Variants in ALDH2 observed in about 807,000 individuals in gnomAD.
ALDH2 encodes aldehyde dehydrogenase 2 family member.
A neutral mutation model predicts 59.6 loss-of-function variants in ALDH2; 44 were observed. The observed-to-expected ratio is 0.74, with a 90% CI of 0.58 to 0.95. The LOEUF (loss-of-function observed/expected upper bound fraction) is 0.95. ALDH2 is among the 40% of genes least tolerant of loss of function. The probability of loss-of-function intolerance (pLI) is 0.00; values close to 1 mark genes in which losing one functional copy is unlikely to be tolerated. For synonymous variants in ALDH2, 291 were observed against 284.0 expected (o/e 1.02, Z -0.25); for missense variants, 570 against 696.3 (o/e 0.82, Z 2.04).
intron 9 of ALDH2, among the ~76,000 whole-genome samples, chr12:111,793,121 G>A (rs1361891433): frequency 6.6e-6 from 1 of 152,220 alleles, no homozygotes. Context: ...AAGATACACA[G>A]CTCTGTGAAC....
chr12:111,800,607 A>T (rs1296328072), intron 11 of ALDH2, among the ~76,000 whole-genome samples: 1 of 151,956 alleles, frequency 6.6e-6, no homozygotes, highest in African/African-American at 2.4e-5. Context: ...AAACATTTTT[A>T]TTTTTTGTAG....
At position 111,813,793 on chromosome 12, in the gene ALDH2, G is replaced by A. The variant is rs994759346; in HGVS notation, c.*4218G>A. ...TATATAGAGAGAAGGTCGATTGCTG[G>A]GGGCCCTGGGAAGGGACCAAGGGGG... On this transcript the variant is annotated 3_prime_UTR_variant, in exon 13 of 13. Coordinates refer to ENST00000261733, the MANE Select transcript of ALDH2 (RefSeq NM_000690.4). 1.3e-5 allele frequency: 2 copies of A among 152,210 alleles called. No individual in the cohort carries two copies. Among genetic ancestry groups the A allele is most frequent in the Admixed American group, 1.3e-4 (2 of 15,268 alleles). 9.4% of individuals were successfully genotyped at this position (152,210 alleles called of 1,614,324 possible). A position where few individuals can be genotyped will look rare whatever the true frequency, so the allele number is the denominator to read the frequency against.
intron 1 of ALDH2, among the ~76,000 whole-genome samples, chr12:111,781,462 C>T (rs2068270818): frequency 6.6e-6 from 1 of 152,188 alleles, no homozygotes; most frequent in South Asian, 2.1e-4. Flanking sequence ...CATGTGGTGC[C>T]AGACGAGTAA....
intron 9 of ALDH2, among the ~76,000 whole-genome samples, chr12:111,796,505 T>C (rs2068405201): frequency 1.3e-5 from 2 of 152,040 alleles, no homozygotes. Flanking sequence ...CTGACTCTTT[T>C]TAAAAAAAGG....
chr12:111,791,023 T>G (rs2068354370), intron 6 of ALDH2, among the ~76,000 whole-genome samples: 1 of 152,146 alleles, frequency 6.6e-6, no homozygotes, highest in South Asian at 2.1e-4. Context: ...CACTCCAGCC[T>G]GGGTGCCAGA....
At chr12:111,806,619 C>T (rs935268326) in intron 12 of ALDH2, among the ~76,000 whole-genome samples, 1 of 152,188 alleles carries the variant, frequency 6.6e-6, no homozygotes, top group Non-Finnish European at 1.5e-5. Context: ...CTGGAATCAA[C>T]TAAACGTGTT....
At chr12:111,805,480 A>G (rs1199604560) in intron 12 of ALDH2, among the ~76,000 whole-genome samples, 1 of 152,118 alleles carries the variant, frequency 6.6e-6, no homozygotes. Context: ...GCACATCACC[A>G]TTCCTGACTA....
At chr12:111,794,532 G>A (rs1296756005) in intron 9 of ALDH2, among the ~76,000 whole-genome samples, 2 of 151,926 alleles carry the variant, frequency 1.3e-5, no homozygotes, top group African/African-American at 4.8e-5. Flanking sequence ...TTAGAGACAG[G>A]GTCTTGTTCT....
At chr12:111,786,569 G>T (rs1407057585) in intron 4 of ALDH2, among the ~76,000 whole-genome samples, 1 of 150,544 alleles carries the variant, frequency 6.6e-6, no homozygotes, top group African/African-American at 2.5e-5. Context: ...TTTTTTTGAG[G>T]CAGGGTCTCA....
chr12:111,808,970 C>T (rs949620593), intron 12 of ALDH2, among the ~76,000 whole-genome samples: 8 of 152,178 alleles, frequency 5.3e-5, no homozygotes, highest in East Asian at 1.9e-4. Flanking sequence ...TGAGTGGTGA[C>T]GCCAGTCCTG....
At chr12:111,797,306 T>C (rs1490556002) in intron 9 of ALDH2, among the ~76,000 whole-genome samples, 3 of 152,348 alleles carry the variant, frequency 2.0e-5, no homozygotes, top group Admixed American at 6.5e-5. Flanking sequence ...CTATTAGTGA[T>C]GACAATATAC....
At chr12:111,779,199 T>G (rs2068254023) in intron 1 of ALDH2, among the ~76,000 whole-genome samples, 1 of 151,374 alleles carries the variant, frequency 6.6e-6, no homozygotes, top group Non-Finnish European at 1.5e-5. Context: ...TTGTGTTTTC[T>G]TTTTTGAGAG....
intron 1 of ALDH2, 66 bp from the exon 2 acceptor site, chr12:111,781,852 T>G: frequency 8.4e-7 from 1 of 1,185,094 alleles, no homozygotes; most frequent in South Asian, 1.3e-5. Flanking sequence ...TTTTTTTCCT[T>G]ACAATACTGG....
chr12:111,806,788 A>G (rs181828965), intron 12 of ALDH2, among the ~76,000 whole-genome samples: 1 of 151,560 alleles, frequency 6.6e-6, no homozygotes, highest in Admixed American at 6.6e-5. Flanking sequence ...CCTGGTCAAC[A>G]TGGTGAAACC....
chr12:111,767,137 G>C (rs1053443825), intron 1 of ALDH2, 41 bp downstream of exon 1: 38 of 1,423,412 alleles, frequency 2.7e-5, no homozygotes, highest in Middle Eastern at 3.6e-4. Flanking sequence ...TTTCCGGCCC[G>C]AGTCCCCCGC....
chr12:111,786,598 T>C (rs1593076316), intron 4 of ALDH2, among the ~76,000 whole-genome samples: 1 of 151,662 alleles, frequency 6.6e-6, no homozygotes, highest in Non-Finnish European at 1.5e-5. Flanking sequence ...CAGGCTGGAG[T>C]GCAGTGGCAC....
chr12:111,805,011 A>G, intron 12 of ALDH2, among the ~76,000 whole-genome samples: 1 of 152,214 alleles, frequency 6.6e-6, no homozygotes, highest in African/African-American at 2.4e-5. Flanking sequence ...GGAAAATCAG[A>G]TGTAAACTTA....
In ALDH2 at chr12:111,785,420, T is replaced by G. The variant is rs1490783313; in HGVS notation, c.440+74T>G. 5 of 1,374,964 alleles carry G rather than the reference T, an allele frequency of 3.6e-6. No homozygotes were observed. The African/African-American group carries it at 7.2e-5, about 20-fold the overall frequency. 85.2% of individuals were successfully genotyped at this position (1,374,964 alleles called of 1,614,324 possible). ...GGCAACGTTGTTAGGAGGTAAAAAT[T>G]AAATTACAAAAATTCAAAAGGGGCA... is the stretch of plus-strand genomic sequence containing the variant. On this transcript the variant is annotated intron_variant, in intron 4 of 12. Coordinates refer to ENST00000261733, the MANE Select transcript of ALDH2 (RefSeq NM_000690.4).
intron 1 of ALDH2, 71 bp from the exon 2 acceptor site, chr12:111,781,847 T>C (rs1362448887): frequency 1.7e-6 from 2 of 1,145,562 alleles, no homozygotes; most frequent in African/African-American, 1.6e-5. Flanking sequence ...GTTTTTTTTT[T>C]TCCTTACAAT....
Sources: gnomAD v4.1 joint callset for allele counts (sites outside exome capture counted in the v4.1 genomes callset) on GRCh38, gnomAD v4.1.1 for gene constraint, MANE v1.5 for transcripts, NCBI Gene and HGNC (gene_info 2026-07-23, HGNC 2026-07-21) for gene names.